NEGR1: variants seen among roughly 807,000 people sequenced by gnomAD.
The protein encoded by NEGR1 is IgLON family member 4.
In NEGR1, 10 loss-of-function variants were observed where a neutral mutation model predicts 40.9. The ratio of observed to expected loss-of-function variants is 0.24; its 90% CI spans 0.15 to 0.42. The LOEUF (loss-of-function observed/expected upper bound fraction) is 0.42. Among genes scored for constraint, NEGR1 ranks in the 10% least tolerant of loss-of-function variants. The probability of loss-of-function intolerance (pLI) is 1.00; values close to 1 mark genes in which losing one functional copy is unlikely to be tolerated. For missense variants in NEGR1, 352 were observed against 438.9 expected (o/e 0.80, Z 1.77); for synonymous variants, 185 against 166.8 (o/e 1.11, Z -0.84).
chr1:71,553,455 G>A (rs1175972340), intron 6 of NEGR1, among the ~76,000 whole-genome samples: 1 of 151,482 alleles, frequency 6.6e-6, no homozygotes, highest in African/African-American at 2.4e-5. Context: ...ACATGTTAAT[G>A]TATTTCATTT....
At chr1:72,220,011 C>T (rs1047818606) in intron 1 of NEGR1, among the ~76,000 whole-genome samples, 4 of 152,002 alleles carry the variant, frequency 2.6e-5, no homozygotes, top group Non-Finnish European at 5.9e-5. Flanking sequence ...TATATACTTA[C>T]TGAATCCCTG....
At chr1:71,639,297 G>T (rs995342177) in intron 4 of NEGR1, among the ~76,000 whole-genome samples, 1 of 151,424 alleles carries the variant, frequency 6.6e-6, no homozygotes, top group African/African-American at 2.4e-5. Context: ...TGTGCTTTAT[G>T]ATTTTCATCA....
chr1:71,625,366 G>C (rs987941474), intron 4 of NEGR1, among the ~76,000 whole-genome samples: 2 of 151,594 alleles, frequency 1.3e-5, no homozygotes, highest in African/African-American at 4.8e-5. Context: ...ACCAAAGAGG[G>C]CTTAAAAATA....
intron 1 of NEGR1, among the ~76,000 whole-genome samples, chr1:71,950,247 T>C (rs534159527): frequency 1.7e-3 from 260 of 152,172 alleles, no homozygotes; most frequent in Admixed American, 5.1e-3. Context: ...TTGTCATTCA[T>C]TGTTCTTACA....
chr1:71,872,638 T>A (rs478548), intron 2 of NEGR1, among the ~76,000 whole-genome samples: 5,488 of 152,234 alleles, frequency 0.036, 186 homozygotes, highest in African/African-American at 0.086. Context: ...GAAATAAAAC[T>A]TGGTTATTTG....
chr1:71,443,585 G>A (rs1038766912), intron 6 of NEGR1, among the ~76,000 whole-genome samples: 5 of 152,100 alleles, frequency 3.3e-5, no homozygotes, highest in African/African-American at 1.2e-4. Flanking sequence ...TGAATGAATG[G>A]CTTTGTAAGC....
At chr1:72,264,440 C>A (rs1655570329) in intron 1 of NEGR1, among the ~76,000 whole-genome samples, 1 of 150,706 alleles carries the variant, frequency 6.6e-6, no homozygotes, top group Non-Finnish European at 1.5e-5. Context: ...TAAATATTTA[C>A]AATTATATCT....
At chr1:72,188,204 C>T (rs141104876) in intron 1 of NEGR1, among the ~76,000 whole-genome samples, 26 of 151,394 alleles carry the variant, frequency 1.7e-4, no homozygotes, top group African/African-American at 6.3e-4. Context: ...AATTTCAAAG[C>T]CAGAATATTT....
chr1:71,604,142 C>A (rs574797764), intron 5 of NEGR1, among the ~76,000 whole-genome samples: 1 of 152,084 alleles, frequency 6.6e-6, no homozygotes, highest in African/African-American at 2.4e-5. Context: ...GTAAGTCATG[C>A]CGTTTAATTA....
intron 6 of NEGR1, among the ~76,000 whole-genome samples, chr1:71,553,772 C>T (rs537198017): frequency 5.9e-5 from 9 of 151,586 alleles, no homozygotes; most frequent in African/African-American, 2.2e-4. Flanking sequence ...TAGGTGATGG[C>T]TTTTAAAGTA....
At chr1:71,921,669 G>T (rs1557434702) in intron 2 of NEGR1, among the ~76,000 whole-genome samples, 1 of 140,382 alleles carries the variant, frequency 7.1e-6, no homozygotes, top group African/African-American at 2.6e-5. Flanking sequence ...AATATATATA[G>T]AATATTATAT....
chr1:71,903,631 C>G (rs1034856458), intron 2 of NEGR1, among the ~76,000 whole-genome samples: 2 of 151,800 alleles, frequency 1.3e-5, no homozygotes, highest in African/African-American at 4.8e-5. Flanking sequence ...AATAAATTTC[C>G]TTTGCATACT....
chr1:72,153,274 C>CTT (rs1320965418), intron 1 of NEGR1, among the ~76,000 whole-genome samples: 3 of 151,862 alleles, frequency 2.0e-5, no homozygotes, highest in African/African-American at 7.2e-5. Flanking sequence ...CTTGAAAAGA[C>CTT]TAATTCAGTG....
intron 5 of NEGR1, among the ~76,000 whole-genome samples, chr1:71,598,775 G>C (rs555172845): frequency 6.6e-6 from 1 of 152,318 alleles, no homozygotes; most frequent in African/African-American, 2.4e-5. Flanking sequence ...TCTCTGTAAA[G>C]TTCCAGTTAT....
chr1:72,031,151 T>C (rs1408167192), intron 1 of NEGR1, among the ~76,000 whole-genome samples: 2 of 152,196 alleles, frequency 1.3e-5, no homozygotes, highest in Non-Finnish European at 2.9e-5. Flanking sequence ...CTGAATCTTA[T>C]GCAGCCGCAG....
At chr1:72,113,613 T>G (rs1395431236) in intron 1 of NEGR1, among the ~76,000 whole-genome samples, 1 of 151,574 alleles carries the variant, frequency 6.6e-6, no homozygotes, top group East Asian at 1.9e-4. Context: ...GAAAAGCAGA[T>G]AAGAGCACAA....
intron 2 of NEGR1, among the ~76,000 whole-genome samples, chr1:71,822,596 T>C (rs1658472101): frequency 6.6e-6 from 1 of 151,996 alleles, no homozygotes. Flanking sequence ...TATGGCATCA[T>C]TGCTTGAGGA....
intron 2 of NEGR1, among the ~76,000 whole-genome samples, chr1:71,788,064 C>T: frequency 6.6e-6 from 1 of 152,072 alleles, no homozygotes; most frequent in African/African-American, 2.4e-5. Context: ...ATGATAAAAC[C>T]ATGATTCATG....
chr1:71,769,705 G>A (rs898518764), intron 3 of NEGR1, among the ~76,000 whole-genome samples: 7 of 152,272 alleles, frequency 4.6e-5, no homozygotes, highest in Admixed American at 1.3e-4. Context: ...GGAACCATGA[G>A]TCCATTAAAC....
Sources: allele counts gnomAD v4.1 joint callset (sites outside exome capture counted in the v4.1 genomes callset), GRCh38; gene constraint gnomAD v4.1.1; transcripts MANE v1.5; gene names NCBI Gene and HGNC (gene_info 2026-07-23, HGNC 2026-07-21).